The following CERK variants were observed in gnomAD, a reference collection of about 807,000 sequenced individuals.
CERK encodes the protein acylsphingosine kinase.
A neutral mutation model predicts 63.4 loss-of-function variants in CERK; 39 were observed. That is an observed-to-expected ratio of 0.61 (90% CI 0.48 to 0.80). The LOEUF (loss-of-function observed/expected upper bound fraction) is 0.80. Ranked by LOEUF, CERK falls within the 30% of genes least tolerant of loss-of-function variation. CERK has a pLI of 0.00. For missense variants in CERK, 670 were observed against 714.1 expected (o/e 0.94, Z 0.70); for synonymous variants, 302 against 280.0 (o/e 1.08, Z -0.78).
intron 3 of CERK, among the ~76,000 whole-genome samples, chr22:46,713,923 G>A (rs2082855390): frequency 6.6e-6 from 1 of 152,148 alleles, no homozygotes; most frequent in South Asian, 2.1e-4. Context: ...TATGAGCACA[G>A]GAGTTCAAGA....
intron 5 of CERK, 47 bp from the exon 6 acceptor site, chr22:46,708,035 C>T (rs977952137): frequency 1.3e-6 from 2 of 1,555,060 alleles, no homozygotes; most frequent in African/African-American, 2.7e-5. Flanking sequence ...GTGCGGCCCT[C>T]TGAGCGCAGC....
intron 5 of CERK, among the ~76,000 whole-genome samples, chr22:46,708,848 G>A (rs1161834517): frequency 6.6e-6 from 1 of 152,146 alleles, no homozygotes; most frequent in Admixed American, 6.5e-5. Context: ...GGGTTGCAGG[G>A]GGAAGGTCCG....
At chr22:46,711,194 A>G in intron 4 of CERK, 45 bp from the exon 5 acceptor site, 1 of 1,426,638 alleles carries the variant, frequency 7.0e-7, no homozygotes, top group African/African-American at 1.4e-5. Flanking sequence ...CACATCTGTG[A>G]GTCCTCACGT....
intron 12 of CERK, 65 bp downstream of exon 12, chr22:46,689,913 CCCTGGGTGGGGCAG>C: frequency 3.6e-6 from 4 of 1,122,202 alleles, no homozygotes; most frequent in Non-Finnish European, 3.7e-6. Flanking sequence ...GAACCCCCCA[CCCTGGGTGGGGCAG>C]CTTGTGACAG....
chr22:46,712,847 CTTTT>C (rs11312593), intron 3 of CERK, among the ~76,000 whole-genome samples: 2 of 125,704 alleles, frequency 1.6e-5, no homozygotes. Flanking sequence ...CTTTTCTTTT[CTTTT>C]TTTTTTTTTT....
In CERK at chr22:46,686,129, A is replaced by G. The variant is rs2082699772; in HGVS notation, c.*1005T>C. On this transcript the variant is annotated 3_prime_UTR_variant, in exon 13 of 13. Coordinates refer to ENST00000216264, the MANE Select transcript of CERK (RefSeq NM_022766.6). The stretch of plus-strand genomic sequence containing the variant: ...AGCGATCCATCGTGGCTTCGAGGCA[A>G]AAGACAGACATCCGAGACGCAGTTT... The G allele has an allele frequency of 6.6e-6, 1 of 152,178 alleles. No homozygotes were observed. Among genetic ancestry groups the G allele is most frequent in the Non-Finnish European group, 1.5e-5 (1 of 68,034 alleles). 9.4% of individuals were successfully genotyped at this position (152,178 alleles called of 1,614,324 possible). A position where few individuals can be genotyped will look rare whatever the true frequency, so the allele number is the denominator to read the frequency against.
chr22:46,711,990 G>A (rs990363093), intron 4 of CERK, among the ~76,000 whole-genome samples, 178 bp downstream of exon 4: 2 of 152,192 alleles, frequency 1.3e-5, no homozygotes, highest in Non-Finnish European at 2.9e-5. Flanking sequence ...GGGAGGCTGA[G>A]GCAGGAGGAT....
chr22:46,712,629 T>G (rs2082847177), intron 3 of CERK, among the ~76,000 whole-genome samples: 1 of 151,864 alleles, frequency 6.6e-6, no homozygotes, highest in Non-Finnish European at 1.5e-5. Context: ...CTTCTGCAGG[T>G]GAAGGAGGTG....
intron 1 of CERK, among the ~76,000 whole-genome samples, chr22:46,734,195 G>A (rs893886806): frequency 1.3e-5 from 2 of 151,914 alleles, no homozygotes; most frequent in African/African-American, 2.4e-5. Flanking sequence ...CAAGGTGAAT[G>A]GACTGCAAAC....
chr22:46,721,074 C>A, intron 1 of CERK, 59 bp from the exon 2 acceptor site: 2 of 1,043,486 alleles, frequency 1.9e-6, no homozygotes, highest in South Asian at 2.5e-5. Flanking sequence ...CAGGTAAAAT[C>A]AGTCCAACTC....
chr22:46,699,827 G>A (rs1329664045), intron 7 of CERK, among the ~76,000 whole-genome samples: 1 of 152,252 alleles, frequency 6.6e-6, no homozygotes, highest in Non-Finnish European at 1.5e-5. Context: ...AGTGGTTCAC[G>A]CCTGTAATCC....
rs1232510624 is a variant in CERK at position 46,685,474 on chromosome 22, G to A, written c.*1660C>T. On this transcript the variant is annotated 3_prime_UTR_variant, in exon 13 of 13. Coordinates refer to ENST00000216264, the MANE Select transcript of CERK (RefSeq NM_022766.6). ...CCCACAGCAGCCACAGCCTCCTGGC[G>A]TGACACCAGGCACACTGCCGGCTGC... The A allele has an allele frequency of 6.6e-6, 1 of 152,284 alleles. No homozygotes were observed. The highest frequency in any genetic ancestry group is 2.4e-5 in the African/African-American group (1 of 41,468). The allele number at this position is 152,284 out of a possible 1,614,324, so 9.4% of individuals were successfully genotyped here. A position where few individuals can be genotyped will look rare whatever the true frequency, so the allele number is the denominator to read the frequency against.
At chr22:46,699,493 G>T in intron 7 of CERK, 28 bp from the exon 8 acceptor site, 1 of 1,612,172 alleles carries the variant, frequency 6.2e-7, no homozygotes. Context: ...CGTGAGGGAA[G>T]GCAGCCCCCC....
rs117403964 is a variant in CERK, at chr22:46,720,001, G to A, written c.379+85C>T. On this transcript the variant is annotated intron_variant, in intron 3 of 12. Coordinates refer to ENST00000216264, the MANE Select transcript of CERK (RefSeq NM_022766.6). Reference sequence around the variant, plus strand: ...TGGGGTATGGCCAGCTGCACGAAACGGGGAGACACTTCAGGAAGATCACCC... The same window carrying A: ...TGGGGTATGGCCAGCTGCACGAAACAGGGAGACACTTCAGGAAGATCACCC... 1.6e-3 allele frequency: 2,406 copies of A among 1,532,802 alleles called. 40 individuals carry two copies. The East Asian group carries it at 0.037, about 23-fold the overall frequency. 95.0% of individuals were successfully genotyped at this position (1,532,802 alleles called of 1,614,324 possible).
At chr22:46,690,248 C>T in intron 11 of CERK, 48 bp from the exon 12 acceptor site, 1 of 1,542,416 alleles carries the variant, frequency 6.5e-7, no homozygotes, top group Non-Finnish European at 8.9e-7. Context: ...ACGTCATCGT[C>T]TGGGTGGGGC....
chr22:46,737,329 A>T (rs959242591), intron 1 of CERK, among the ~76,000 whole-genome samples: 4 of 151,812 alleles, frequency 2.6e-5, no homozygotes, highest in African/African-American at 9.7e-5. Flanking sequence ...AAAAAACAAC[A>T]AAAAACAAAA....
At chr22:46,718,518 C>T (rs904072236) in intron 3 of CERK, among the ~76,000 whole-genome samples, 2 of 152,108 alleles carry the variant, frequency 1.3e-5, no homozygotes, top group African/African-American at 2.4e-5. Context: ...GAGCTTTTCA[C>T]GACAGCAGGT....
At chr22:46,713,503 C>T (rs1237151126) in intron 3 of CERK, among the ~76,000 whole-genome samples, 7 of 76,236 alleles carry the variant, frequency 9.2e-5, no homozygotes, top group African/African-American at 2.3e-4. Context: ...AGTGAGACTT[C>T]ATCTCAAAAA....
chr22:46,694,870 C>T (rs59936280), intron 9 of CERK, among the ~76,000 whole-genome samples: 1 of 152,312 alleles, frequency 6.6e-6, no homozygotes, highest in East Asian at 1.9e-4. Flanking sequence ...TTCCTGCCTG[C>T]ATTTCTCCTC....
Sources: allele counts gnomAD v4.1 joint callset (sites outside exome capture counted in the v4.1 genomes callset), GRCh38; gene constraint gnomAD v4.1.1; transcripts MANE v1.5; gene names NCBI Gene and HGNC (gene_info 2026-07-23, HGNC 2026-07-21).